LRPPRC: variants seen among roughly 807,000 people sequenced by gnomAD.
The protein encoded by LRPPRC is leucine-rich PPR motif-containing protein, mitochondrial.
LRPPRC carries 120 observed loss-of-function variants against 180.3 expected under a neutral mutation model. The ratio of observed to expected loss-of-function variants is 0.67; its 90% CI spans 0.57 to 0.77. The LOEUF is 0.77. Among genes scored for constraint, LRPPRC ranks in the 30% least tolerant of loss-of-function variants. LRPPRC has a pLI of 0.00. For missense variants in LRPPRC, 2,012 were observed against 1,657.2 expected, an observed-to-expected ratio of 1.21 and a Z score of -3.72; for synonymous variants, 723 against 600.0, an observed-to-expected ratio of 1.21 and a Z score of -3.00.
At chr2:43,917,984 A>T in intron 29 of LRPPRC, 41 bp downstream of exon 29, 51 of 1,199,260 alleles carry the variant, frequency 4.3e-5, no homozygotes, top group Non-Finnish European at 5.6e-5. Context: ...TAGAAAGAAG[A>T]CCACCCCCCC....
At chr2:43,892,099 C>T (rs935900994) in intron 36 of LRPPRC, among the ~76,000 whole-genome samples, 1 of 152,210 alleles carries the variant, frequency 6.6e-6, no homozygotes, top group Non-Finnish European at 1.5e-5. Context: ...ATCTCCATGA[C>T]ACGAAAGTCC....
Position 43,947,293 on chromosome 2 carries a change from G to A in LRPPRC, c.2043C>T (p.Val681=), listed in dbSNP as rs780179636. 1 of 1,601,840 alleles carries A rather than the reference G, an allele frequency of 6.2e-7. No individual in the cohort carries two copies. Among genetic ancestry groups the A allele is most frequent in the Non-Finnish European group, 8.5e-7 (1 of 1,170,304 alleles). The part of the protein sequence containing the change: ...LKAENQPIRD[V]LKQLILVLCS... ...AAAGCACTAATATGAGTTGCTTTAGGACATCTCTTATAGGTTGATTTTCAG... is the reference window on the plus strand; with the variant it reads ...AAAGCACTAATATGAGTTGCTTTAGAACATCTCTTATAGGTTGATTTTCAG... Residue 681 remains valine (V), a synonymous_variant, in exon 20 of 38, where the codon GTC becomes GTT. Coordinates refer to ENST00000260665, the MANE Select transcript of LRPPRC (RefSeq NM_133259.4).
chr2:43,989,521 C>T (rs773570205), intron 1 of LRPPRC, among the ~76,000 whole-genome samples: 2 of 152,198 alleles, frequency 1.3e-5, no homozygotes, highest in Admixed American at 6.5e-5. Context: ...CTTCCAGATA[C>T]ATTCTGAGAT....
At chr2:43,895,132 G>A (rs1372903873) in intron 35 of LRPPRC, among the ~76,000 whole-genome samples, 10 of 152,092 alleles carry the variant, frequency 6.6e-5, no homozygotes, top group Non-Finnish European at 7.3e-5. Flanking sequence ...TTCCTGTAGC[G>A]AGTGAATACA....
At chr2:43,889,993 T>C in intron 36 of LRPPRC, 117 bp from the exon 37 acceptor site, 1 of 716,068 alleles carries the variant, frequency 1.4e-6, no homozygotes, top group Non-Finnish European at 2.5e-6. Context: ...AATGAACACT[T>C]AACTACTTTC....
upstream of LRPPRC, among the ~76,000 whole-genome samples, chr2:43,996,256 A>C (rs77353999): frequency 0.025 from 3,827 of 152,252 alleles, 63 homozygotes; most frequent in Non-Finnish European, 0.041. Context: ...GAGCCGCAAG[A>C]GGTCAACTCC....
In LRPPRC at chr2:43,947,747, T is replaced by A. The variant is rs1335759618; in HGVS notation, c.1949A>T (p.Asn650Ile). ...KDAHLLVESKNLDFQKTVQLT... is the reference protein window; with the variant it reads ...KDAHLLVESKILDFQKTVQLT... Reference sequence around the variant, plus strand: ...CCTACTTACTTTTTGAAAGTCTAAATTCTTACTCTCAACCAACAAGTGAGC... The same window carrying A: ...CCTACTTACTTTTTGAAAGTCTAAAATCTTACTCTCAACCAACAAGTGAGC... Residue 650 changes from asparagine (N) to isoleucine (I), a missense_variant, in exon 19 of 38, where the codon AAT (asparagine) becomes ATT (isoleucine). Physicochemically the swap from Asn to Ile is moderately radical, Grantham distance 149. Coordinates refer to ENST00000260665, the MANE Select transcript of LRPPRC (RefSeq NM_133259.4). The A allele has an allele frequency of 1.3e-6, 2 of 1,584,638 alleles. No individual in the cohort carries two copies. The highest frequency in any genetic ancestry group is 4.5e-5 in the East Asian group (2 of 44,600).
Position 43,979,912 on chromosome 2 carries a change from C to T in LRPPRC, c.383G>A (p.Arg128His), listed in dbSNP as rs145894365. The change falls in exon 3 of 38, where the codon CGT (arginine) becomes CAT (histidine). Residue 128 changes from arginine (R) to histidine (H), a missense_variant. By Grantham distance (29) the Arg-to-His change is conservative. Transcript: ENST00000260665. ...LGGSHALLLL[R>H]SCGSLLPELK... ...TTCAGGCAAGAGAGAACCACAACTA[C>T]GTAGTAGAAGCAAGGCATGACTACC... The T allele has an allele frequency of 6.8e-6, 11 of 1,613,742 alleles. No homozygotes were observed. Among genetic ancestry groups the T allele is most frequent in the African/African-American group, 6.7e-5 (5 of 75,042 alleles).
chr2:43,979,981 CAT>C lies in LRPPRC; in HGVS notation c.347-35_347-34del, dbSNP rs779593572. 1.1e-5 allele frequency: 17 copies of C among 1,605,094 alleles called. No individual in the cohort carries two copies. In the South Asian group the frequency reaches 1.9e-4, roughly 18 times the overall value. Reference sequence around the variant, plus strand: ...AAAAAGGTTAATGGATAACATTTAACATAGCAGCAATATCACATAGATAAATA... The same window carrying C: ...AAAAAGGTTAATGGATAACATTTAACAGCAGCAATATCACATAGATAAATA... On this transcript the variant is annotated intron_variant, in intron 2 of 37. Transcript: ENST00000260665.
chr2:43,962,000 T>C (rs965837186), intron 12 of LRPPRC, among the ~76,000 whole-genome samples: 1 of 152,176 alleles, frequency 6.6e-6, no homozygotes, highest in African/African-American at 2.4e-5. Context: ...TACTGTGAGT[T>C]CTATTAAGCA....
intron 34 of LRPPRC, among the ~76,000 whole-genome samples, chr2:43,897,099 G>T (rs1375429602): frequency 1.3e-5 from 2 of 152,090 alleles, no homozygotes; most frequent in Non-Finnish European, 2.9e-5. Context: ...ATTTAATAAG[G>T]TGTCAGGGAG....
chr2:43,893,629 C>T (rs765637338), intron 36 of LRPPRC, among the ~76,000 whole-genome samples: 9 of 152,116 alleles, frequency 5.9e-5, no homozygotes, highest in Non-Finnish European at 1.0e-4. Flanking sequence ...GTAAACATAA[C>T]TTTTATATGC....
intron 14 of LRPPRC, among the ~76,000 whole-genome samples, chr2:43,956,007 G>A (rs939622892): frequency 1.3e-5 from 2 of 151,246 alleles, no homozygotes; most frequent in African/African-American, 2.4e-5. Context: ...GTGATACAAT[G>A]TAAGACGTGC....
chr2:43,950,318 C>A (rs1285526752), intron 15 of LRPPRC, among the ~76,000 whole-genome samples: 2 of 152,056 alleles, frequency 1.3e-5, no homozygotes, highest in East Asian at 1.9e-4. Context: ...CAGATCATCC[C>A]ATCACCCAGG....
chr2:43,979,844 C>A lies in LRPPRC; in HGVS notation c.451G>T (p.Asp151Tyr). 2 of 1,613,162 alleles carry A rather than the reference C, an allele frequency of 1.2e-6. No homozygotes were observed. Among genetic ancestry groups the A allele is most frequent in the Admixed American group, 1.7e-5 (1 of 60,016 alleles). The part of the protein sequence containing the change: ...ERTEFAHRIW[D>Y]TLQKLGAVYD... ...ATCATACCTAATTTCTGAAGTGTGT[C>A]CCATATCCTATGAGCAAATTCTGTT... The change falls in exon 3 of 38, where the codon GAC (aspartate) becomes TAC (tyrosine). Residue 151 changes from aspartate to tyrosine, a missense_variant. By Grantham distance (160) the Asp-to-Tyr change is radical. Coordinates refer to ENST00000260665, the MANE Select transcript of LRPPRC (RefSeq NM_133259.4).
intron 27 of LRPPRC, among the ~76,000 whole-genome samples, chr2:43,919,032 G>A (rs1168944427): frequency 6.6e-6 from 1 of 152,066 alleles, no homozygotes; most frequent in African/African-American, 2.4e-5. Flanking sequence ...GAACCGGGCT[G>A]CACAGCAGAA....
chr2:43,955,369 T>C (rs1423824100), intron 14 of LRPPRC, among the ~76,000 whole-genome samples: 1 of 149,466 alleles, frequency 6.7e-6, no homozygotes, highest in African/African-American at 2.5e-5. Context: ...AATGGGAGCC[T>C]GAAGCAGGAG....
In LRPPRC at chr2:43,894,562, G is replaced by T; in HGVS notation, c.3968C>A (p.Ser1323Tyr). ...TATATTACCATAGCTTTTCATGAGGGAATTGTATGCTTCTTCCTTTTCATT... is the reference window on the plus strand; with the variant it reads ...TATATTACCATAGCTTTTCATGAGGTAATTGTATGCTTCTTCCTTTTCATT... ...ELNEKEEAYN[S>Y]LMKSYVSEKD... Residue 1323 changes from serine to tyrosine, a missense_variant, in exon 36 of 38, where the codon TCC becomes TAC. Transcript: ENST00000260665. 2 of 1,522,068 alleles carry T rather than the reference G, an allele frequency of 1.3e-6. No individual in the cohort carries two copies. The highest frequency in any genetic ancestry group is 1.8e-6 in the Non-Finnish European group (2 of 1,096,634). The allele number at this position is 1,522,068 out of a possible 1,614,324, so 94.3% of individuals were successfully genotyped here.
intron 23 of LRPPRC, among the ~76,000 whole-genome samples, chr2:43,941,802 G>A (rs1672490123): frequency 8.5e-6 from 1 of 117,420 alleles, no homozygotes; most frequent in African/African-American, 3.4e-5. Flanking sequence ...GAAACTGAAA[G>A]ACCTCATCAT....
Sources: allele counts gnomAD v4.1 joint callset (sites outside exome capture counted in the v4.1 genomes callset), GRCh38; gene constraint gnomAD v4.1.1; transcripts MANE v1.5; gene names NCBI Gene and HGNC (gene_info 2026-07-23, HGNC 2026-07-21).